The following PEPD variants were observed in gnomAD, a reference collection of about 807,000 sequenced individuals.
PEPD encodes peptidase D, also known as xaa-Pro dipeptidase.
A neutral mutation model predicts 60.7 loss-of-function variants in PEPD; 53 were observed. The ratio of observed to expected loss-of-function variants is 0.87; its 90% CI spans 0.70 to 1.10. PEPD has a LOEUF of 1.10. Among genes scored for constraint, PEPD ranks in the 50% least tolerant of loss-of-function variants. The probability of loss-of-function intolerance (pLI) is 0.00; values close to 1 mark genes in which losing one functional copy is unlikely to be tolerated. For synonymous variants in PEPD, 267 were observed against 284.1 expected (o/e 0.94, Z 0.60); for missense variants, 711 against 711.9 (o/e 1.00, Z 0.01).
chr19:33,427,965 T>C (rs1226340440), intron 9 of PEPD, among the ~76,000 whole-genome samples: 2 of 152,018 alleles, frequency 1.3e-5, no homozygotes, highest in Non-Finnish European at 2.9e-5. Context: ...CATACCCCCG[T>C]CCTGGCAGGC....
At position 33,387,496 on chromosome 19, in the gene PEPD, C is replaced by CA. The variant is rs767758884; in HGVS notation, c.1345-16dup. On this transcript the variant is annotated splice_polypyrimidine_tract_variant and intron_variant, in intron 14 of 14. Transcript: ENST00000244137. ...TCGATGCGGACCTGGGTCAAGCCGA[C>CA]AGACACACATTATCATAGAGCAGCC... is the stretch of plus-strand genomic sequence containing the variant. 3.5e-5 allele frequency: 57 copies of CA among 1,612,988 alleles called. No individual in the cohort carries two copies. Among genetic ancestry groups the CA allele is most frequent in the Non-Finnish European group, 4.5e-5 (53 of 1,180,034 alleles).
intron 1 of PEPD, among the ~76,000 whole-genome samples, chr19:33,518,230 T>C (rs1412537044): frequency 1.3e-5 from 2 of 152,106 alleles, no homozygotes; most frequent in African/African-American, 4.8e-5. Context: ...GTGCCAAGCA[T>C]ACACAGAAAC....
intron 5 of PEPD, among the ~76,000 whole-genome samples, chr19:33,492,043 C>CAAA (rs757173823): frequency 1.2e-5 from 1 of 81,562 alleles, no homozygotes; most frequent in Non-Finnish European, 2.5e-5. Flanking sequence ...TATTCCATTT[C>CAAA]AAAAAAAAAA....
intron 9 of PEPD, among the ~76,000 whole-genome samples, chr19:33,437,159 C>G (rs771532449): frequency 2.3e-4 from 35 of 152,130 alleles, no homozygotes; most frequent in Admixed American, 7.9e-4. Context: ...AACCACCGGG[C>G]TCCGGCCCTC....
intron 11 of PEPD, among the ~76,000 whole-genome samples, chr19:33,404,921 C>T (rs548512118): frequency 4.6e-5 from 7 of 152,340 alleles, no homozygotes; most frequent in Admixed American, 2.0e-4. Flanking sequence ...ATCTCCCTCC[C>T]GCTCCTCTGC....
chr19:33,444,837 G>A (rs371488681), intron 9 of PEPD, among the ~76,000 whole-genome samples: 13 of 151,964 alleles, frequency 8.6e-5, no homozygotes, highest in African/African-American at 2.2e-4. Context: ...GGCAAGTGCC[G>A]GAGATCCTCA....
intron 4 of PEPD, among the ~76,000 whole-genome samples, chr19:33,495,931 T>A (rs971561174): frequency 1.3e-5 from 2 of 151,794 alleles, no homozygotes; most frequent in African/African-American, 4.8e-5. Flanking sequence ...CAGTGAGTCG[T>A]GACTGCGCCA....
At chr19:33,471,579 G>A (rs1699067922) in intron 7 of PEPD, among the ~76,000 whole-genome samples, 1 of 152,216 alleles carries the variant, frequency 6.6e-6, no homozygotes, top group Non-Finnish European at 1.5e-5. Flanking sequence ...AGCCTTGTCT[G>A]CCCCAGGGGA....
intron 11 of PEPD, among the ~76,000 whole-genome samples, chr19:33,409,667 C>T (rs908580021): frequency 3.9e-5 from 6 of 152,138 alleles, no homozygotes; most frequent in South Asian, 2.1e-4. Context: ...AGAGCAAGAC[C>T]GTCTCTTAAA....
chr19:33,389,479 C>T (rs1426005188), intron 13 of PEPD, among the ~76,000 whole-genome samples: 2 of 149,050 alleles, frequency 1.3e-5, no homozygotes, highest in African/African-American at 5.1e-5. Context: ...TCCCTGTCAT[C>T]CGAAGCCTGT....
chr19:33,445,494 A>G (rs767943551), intron 9 of PEPD, among the ~76,000 whole-genome samples: 4 of 152,220 alleles, frequency 2.6e-5, no homozygotes, highest in Non-Finnish European at 5.9e-5. Context: ...ATCTGAGCAT[A>G]TGAGAGAGAC....
intron 4 of PEPD, among the ~76,000 whole-genome samples, chr19:33,494,447 G>A (rs1051137685): frequency 1.3e-5 from 2 of 152,146 alleles, no homozygotes; most frequent in African/African-American, 4.8e-5. Flanking sequence ...AGAAAACCTG[G>A]AACGTATTGA....
chr19:33,476,099 C>T (rs944040366), intron 7 of PEPD, among the ~76,000 whole-genome samples: 8 of 152,172 alleles, frequency 5.3e-5, no homozygotes, highest in Non-Finnish European at 8.8e-5. Context: ...CTCCCGGCCT[C>T]AAGTGATTCT....
intron 9 of PEPD, among the ~76,000 whole-genome samples, chr19:33,437,683 G>A (rs1969404939): frequency 6.6e-6 from 1 of 152,202 alleles, no homozygotes; most frequent in Non-Finnish European, 1.5e-5. Context: ...CAACTGCTAA[G>A]TGCAGAGAGC....
intron 9 of PEPD, among the ~76,000 whole-genome samples, chr19:33,430,075 TCTAAG>T (rs1969237418): frequency 6.6e-6 from 1 of 152,190 alleles, no homozygotes; most frequent in African/African-American, 2.4e-5. Context: ...ACCTGGCTCC[TCTAAG>T]ACCCATCTGT....
intron 1 of PEPD, among the ~76,000 whole-genome samples, chr19:33,513,602 G>T (rs950137072): frequency 6.6e-6 from 1 of 152,112 alleles, no homozygotes; most frequent in South Asian, 2.1e-4. Context: ...CAACTTCCCC[G>T]TGGCCTGGTC....
chr19:33,481,815 G>A (rs1278822242), intron 6 of PEPD, among the ~76,000 whole-genome samples: 1 of 151,898 alleles, frequency 6.6e-6, no homozygotes, highest in African/African-American at 2.4e-5. Context: ...AATGGCTTGA[G>A]GTCAGGAGTT....
intron 9 of PEPD, among the ~76,000 whole-genome samples, chr19:33,445,202 T>C (rs1185790330): frequency 1.3e-5 from 2 of 152,166 alleles, no homozygotes; most frequent in African/African-American, 4.8e-5. Flanking sequence ...GGCTGACACA[T>C]GGTCAGGGCT....
chr19:33,415,381 G>A (rs1446701286), intron 9 of PEPD, among the ~76,000 whole-genome samples: 2 of 152,204 alleles, frequency 1.3e-5, no homozygotes, highest in African/African-American at 4.8e-5. Context: ...CTACAAGAAA[G>A]GAGCGGCAGG....
Sources: allele counts gnomAD v4.1 joint callset (sites outside exome capture counted in the v4.1 genomes callset), GRCh38; gene constraint gnomAD v4.1.1; transcripts MANE v1.5; gene names NCBI Gene and HGNC (gene_info 2026-07-23, HGNC 2026-07-21).